The following IQSEC1 variants were observed in gnomAD, a reference collection of about 807,000 sequenced individuals.
IQSEC1 encodes the protein IQ motif and SEC7 domain-containing protein 1.
IQSEC1 carries 31 observed loss-of-function variants against 91.0 expected under a neutral mutation model. The ratio of observed to expected loss-of-function variants is 0.34; its 90% confidence interval spans 0.26 to 0.46. The LOEUF is 0.46. IQSEC1 is among the 20% of genes least tolerant of loss of function. The pLI is 1.00. For missense variants in IQSEC1, 1,388 were observed against 1,575.6 expected (o/e 0.88, Z 2.02); for synonymous variants, 699 against 662.6 (o/e 1.05, Z -0.84).
chr3:13,057,017 T>C (rs1326547727), intron 1 of IQSEC1, among the ~76,000 whole-genome samples: 1 of 152,108 alleles, frequency 6.6e-6, no homozygotes, highest in Non-Finnish European at 1.5e-5. Context: ...GGCCCCCTTA[T>C]AGGATTTCTT....
intron 1 of IQSEC1, among the ~76,000 whole-genome samples, chr3:13,171,106 A>C (rs1693599704): frequency 6.8e-6 from 1 of 146,532 alleles, no homozygotes; most frequent in African/African-American, 2.6e-5. Flanking sequence ...CTCAAAAAAA[A>C]CAAAAAAAAC....
chr3:13,197,411 A>G (rs75208027), intron 1 of IQSEC1, among the ~76,000 whole-genome samples: 3,994 of 152,242 alleles, frequency 0.026, 187 homozygotes, highest in African/African-American at 0.091. Flanking sequence ...AGCCTGGCAG[A>G]CAGGACGTGC....
chr3:13,110,881 C>G (rs1576254828), intron 2 of IQSEC1, among the ~76,000 whole-genome samples: 1 of 152,182 alleles, frequency 6.6e-6, no homozygotes, highest in East Asian at 1.9e-4. Flanking sequence ...TCTTAAAGAG[C>G]TTACCCAGGA....
rs140895513 is a variant in IQSEC1, at chr3:13,234,463, G to A, written c.272+48248C>T. Among the ~76,000 whole-genome samples the A allele has an allele frequency of 9.7e-3, 1,483 of 152,306 alleles. 23 individuals are homozygous for A. Among genetic ancestry groups the A allele is most frequent in the African/African-American group, 0.031 (1,297 of 41,548 alleles). ...ATGACACCTCTCCAGCAGGAAGCCT[G>A]GGGTCGAACCTGCCCCTGGGAGACC... On this transcript the variant is annotated intron_variant, in intron 1 of 15. Coordinates refer to the IQSEC1 transcript ENST00000648114.
intron 1 of IQSEC1, among the ~76,000 whole-genome samples, chr3:13,180,605 C>T (rs357145): frequency 0.68 from 103,091 of 151,538 alleles, 35,206 homozygotes; most frequent in South Asian, 0.7. Context: ...TTTGTTCTTT[C>T]GCTCTTTGCA....
chr3:12,967,810 CGGG>C lies in IQSEC1; in HGVS notation c.24-25948_24-25946del. 2.1e-6 allele frequency: 1 copy of C among 477,886 alleles called. No individual in the cohort carries two copies. Among genetic ancestry groups the C allele is most frequent in the Non-Finnish European group, 2.7e-6 (1 of 373,664 alleles). The allele number at this position is 477,886 out of a possible 1,614,324, so 29.6% of individuals were successfully genotyped here. A position where few individuals can be genotyped will look rare whatever the true frequency, so the allele number is the denominator to read the frequency against. ...GGCGAGCTGGGGGCGGGGCTGCGCG[CGGG>C]GGCGAGACTGCACGGAGCGTGTGGG... On this transcript the variant is annotated intron_variant, in intron 1 of 13. Transcript: ENST00000613206. The surrounding 1 kb of genome is among the most constrained non-coding windows in gnomAD (Gnocchi z 5.9).
At chr3:13,095,987 C>T (rs904783219) in intron 2 of IQSEC1, among the ~76,000 whole-genome samples, 2 of 152,204 alleles carry the variant, frequency 1.3e-5, no homozygotes, top group Non-Finnish European at 2.9e-5. Context: ...CCCTCTGAGT[C>T]GTCCAAGCTC....
chr3:13,062,906 G>T (rs767736040), intron 1 of IQSEC1, among the ~76,000 whole-genome samples: 1 of 152,218 alleles, frequency 6.6e-6, no homozygotes, highest in East Asian at 1.9e-4. Flanking sequence ...TATTAGCCAC[G>T]CTCAGGTCAG....
intron 1 of IQSEC1, among the ~76,000 whole-genome samples, chr3:13,274,995 G>C (rs1404375654): frequency 6.6e-6 from 1 of 152,228 alleles, no homozygotes; most frequent in Non-Finnish European, 1.5e-5. Flanking sequence ...AGCCCAGCGT[G>C]GTGGTGAACT....
At chr3:13,067,113 T>C (rs527752643) in intron 1 of IQSEC1, among the ~76,000 whole-genome samples, 19 of 152,238 alleles carry the variant, frequency 1.2e-4, no homozygotes, top group Middle Eastern at 3.4e-3. Context: ...GGAGCCTCCT[T>C]GTCCTGCTCT....
At chr3:12,953,074 C>T (rs986389237) in intron 1 of IQSEC1, among the ~76,000 whole-genome samples, 7 of 152,332 alleles carry the variant, frequency 4.6e-5, no homozygotes, top group African/African-American at 1.7e-4. Context: ...CCTGATCCTT[C>T]ATCCCCTCAG....
chr3:13,231,373 C>A (rs1001166890), intron 1 of IQSEC1, among the ~76,000 whole-genome samples: 3 of 152,204 alleles, frequency 2.0e-5, no homozygotes, highest in Admixed American at 2.0e-4. Flanking sequence ...GGCTTAAAAA[C>A]TGAAATTTAT....
intron 2 of IQSEC1, among the ~76,000 whole-genome samples, chr3:13,092,739 A>G (rs755235890): frequency 4.6e-5 from 7 of 152,114 alleles, no homozygotes; most frequent in African/African-American, 7.2e-5. Flanking sequence ...TCTTCGCGTA[A>G]AACAGTCCAC....
At chr3:13,260,057 C>A (rs572360561) in intron 1 of IQSEC1, among the ~76,000 whole-genome samples, 1 of 152,234 alleles carries the variant, frequency 6.6e-6, no homozygotes, top group African/African-American at 2.4e-5. Context: ...TCTCAGGAAG[C>A]AGCCTTGGCT....
intron 2 of IQSEC1, among the ~76,000 whole-genome samples, chr3:13,146,887 A>G (rs940032982): frequency 2.0e-5 from 3 of 152,322 alleles, no homozygotes; most frequent in Admixed American, 6.5e-5. Context: ...CGGGCTGCAT[A>G]AAAGAAACGT....
rs943804026 is a variant in IQSEC1, at chr3:12,900,564, A to G, written c.*419T>C. 1 of 999,124 alleles carries G rather than the reference A, an allele frequency of 1.0e-6. No homozygotes were observed. Among genetic ancestry groups the G allele is most frequent in the Non-Finnish European group, 1.2e-6 (1 of 838,284 alleles). 61.9% of individuals were successfully genotyped at this position (999,124 alleles called of 1,614,324 possible). ...TTTGCCCATTGTCAATAAAAGAGCA[A>G]TAATGCAGCAAGTTTTGGGGTTTGT... is the stretch of plus-strand genomic sequence containing the variant. On this transcript the variant is annotated 3_prime_UTR_variant, in exon 14 of 14. Coordinates refer to ENST00000613206, the MANE Select transcript of IQSEC1 (RefSeq NM_001134382.3).
At chr3:13,089,069 C>A (rs1705790403) in intron 2 of IQSEC1, among the ~76,000 whole-genome samples, 1 of 152,228 alleles carries the variant, frequency 6.6e-6, no homozygotes, top group Non-Finnish European at 1.5e-5. Context: ...TGGACATATG[C>A]CCTGACTTGG....
intron 1 of IQSEC1, among the ~76,000 whole-genome samples, chr3:13,061,386 A>C (rs928169334): frequency 6.6e-5 from 10 of 152,220 alleles, no homozygotes; most frequent in African/African-American, 1.9e-4. Context: ...AGTTTTAAAA[A>C]ATATCTATCA....
intron 1 of IQSEC1, among the ~76,000 whole-genome samples, chr3:12,955,381 G>A (rs1414787983): frequency 2.0e-5 from 3 of 152,254 alleles, no homozygotes; most frequent in Non-Finnish European, 4.4e-5. Context: ...GCAGGGGGCA[G>A]ACTGGCTCCG....
Sources: gnomAD v4.1 joint callset for allele counts (sites outside exome capture counted in the v4.1 genomes callset) on GRCh38, gnomAD v4.1.1 for gene constraint, Gnocchi (gnomAD v3.1) non-coding constraint, MANE v1.5 for transcripts, NCBI Gene and HGNC (gene_info 2026-07-23, HGNC 2026-07-21) for gene names.